The following PTPRM variants were observed in gnomAD, a reference collection of about 807,000 sequenced individuals.
PTPRM encodes protein tyrosine phosphatase receptor type M, also known as receptor-type tyrosine-protein phosphatase mu.
PTPRM carries 47 observed loss-of-function variants against 186.7 expected under a neutral mutation model. The observed-to-expected ratio is 0.25, with a 90% CI of 0.20 to 0.32. The LOEUF (loss-of-function observed/expected upper bound fraction) is 0.32. Ranked by LOEUF, PTPRM falls within the 10% of genes least tolerant of loss-of-function variation. The pLI is 1.00. For synonymous variants in PTPRM, 668 were observed against 674.9 expected, an observed-to-expected ratio of 0.99 and a Z score of 0.16; for missense variants, 1,494 against 1,865.0, an observed-to-expected ratio of 0.80 and a Z score of 3.66.
chr18:7,795,596 T>C (rs2043588598), intron 2 of PTPRM, among the ~76,000 whole-genome samples: 1 of 152,190 alleles, frequency 6.6e-6, no homozygotes, highest in African/African-American at 2.4e-5. Context: ...TTGAGGTAGA[T>C]GCATTGCAGG....
At chr18:8,377,143 T>C (rs2095701564) in intron 26 of PTPRM, 2 of 152,610 alleles carry the variant, frequency 1.3e-5, no homozygotes, top group Non-Finnish European at 2.9e-5. Context: ...ATTTCCATTT[T>C]TTCAGAAGCA....
chr18:8,263,888 AC>A (rs1388985288), intron 19 of PTPRM, among the ~76,000 whole-genome samples: 6 of 152,194 alleles, frequency 3.9e-5, no homozygotes, highest in Non-Finnish European at 8.8e-5. Flanking sequence ...TTTATAATAA[AC>A]CAGTAAATGT....
intron 7 of PTPRM, among the ~76,000 whole-genome samples, chr18:7,976,660 T>C (rs764305257): frequency 2.6e-4 from 39 of 152,030 alleles, no homozygotes; most frequent in Non-Finnish European, 3.8e-4. Flanking sequence ...GAATGAGCCA[T>C]CCCTGAGCCA....
chr18:8,275,120 A>G (rs1449271360), intron 19 of PTPRM, among the ~76,000 whole-genome samples: 1 of 152,168 alleles, frequency 6.6e-6, no homozygotes, highest in Non-Finnish European at 1.5e-5. Context: ...CATTTGATTT[A>G]TAAGGAGGCT....
chr18:7,867,492 A>C (rs1300717605), intron 2 of PTPRM, among the ~76,000 whole-genome samples: 2 of 152,168 alleles, frequency 1.3e-5, no homozygotes, highest in African/African-American at 4.8e-5. Context: ...TCTGGGTTGA[A>C]AATTCTTTTC....
chr18:8,248,039 A>G (rs1171658543), intron 16 of PTPRM, 111 bp from the exon 17 acceptor site: 82 of 1,351,082 alleles, frequency 6.1e-5, no homozygotes, highest in Non-Finnish European at 3.1e-5. Context: ...TTGTAACCCA[A>G]TGCGTTTCTA....
At chr18:8,199,415 C>G (rs887825059) in intron 14 of PTPRM, among the ~76,000 whole-genome samples, 1 of 152,112 alleles carries the variant, frequency 6.6e-6, no homozygotes, top group Non-Finnish European at 1.5e-5. Flanking sequence ...CGTTTACACC[C>G]TGAATAACAT....
intron 1 of PTPRM, among the ~76,000 whole-genome samples, chr18:7,585,142 A>G (rs4798574): frequency 0.073 from 11,044 of 152,296 alleles, 928 homozygotes; most frequent in East Asian, 0.3. Context: ...CTAGGTAACT[A>G]GGAGGTTTGC....
chr18:7,972,763 A>T (rs2054648760), intron 7 of PTPRM, among the ~76,000 whole-genome samples: 1 of 152,234 alleles, frequency 6.6e-6, no homozygotes, highest in South Asian at 2.1e-4. Context: ...GAAGGCAAAA[A>T]ATATAGAAGT....
intron 1 of PTPRM, among the ~76,000 whole-genome samples, chr18:7,609,280 T>C (rs1423595786): frequency 6.6e-6 from 1 of 152,158 alleles, no homozygotes; most frequent in Non-Finnish European, 1.5e-5. Context: ...CTGTAAATGA[T>C]GGGAGATTCT....
intron 1 of PTPRM, among the ~76,000 whole-genome samples, chr18:7,700,150 A>G (rs1186764597): frequency 2.0e-5 from 3 of 152,242 alleles, no homozygotes; most frequent in Middle Eastern, 3.2e-3. Context: ...CCATGCCAAC[A>G]TGAAAATAAT....
chr18:7,953,838 AG>A (rs1289294496), intron 6 of PTPRM, among the ~76,000 whole-genome samples: 1 of 152,206 alleles, frequency 6.6e-6, no homozygotes, highest in East Asian at 1.9e-4. Context: ...AGGATGCAAG[AG>A]GGTAGCAGAA....
chr18:7,657,949 G>A (rs927809410), intron 1 of PTPRM, among the ~76,000 whole-genome samples: 8 of 152,056 alleles, frequency 5.3e-5, no homozygotes, highest in African/African-American at 1.9e-4. Context: ...TATATTTAAG[G>A]TGTACATCAT....
At chr18:8,285,768 G>T (rs2094950250) in intron 19 of PTPRM, among the ~76,000 whole-genome samples, 3 of 152,316 alleles carry the variant, frequency 2.0e-5, no homozygotes, top group South Asian at 4.1e-4. Context: ...GAGGTGGGCA[G>T]CTCCCTTGAG....
At chr18:8,281,643 C>T (rs1460922844) in intron 19 of PTPRM, among the ~76,000 whole-genome samples, 1 of 152,050 alleles carries the variant, frequency 6.6e-6, no homozygotes, top group Non-Finnish European at 1.5e-5. Flanking sequence ...TTTCAATAAC[C>T]CTAAGAAATG....
intron 14 of PTPRM, among the ~76,000 whole-genome samples, chr18:8,144,218 A>G (rs1481962269): frequency 6.6e-6 from 1 of 152,202 alleles, no homozygotes; most frequent in African/African-American, 2.4e-5. Context: ...GCACCGTGCT[A>G]GGGAAGGTCA....
intron 32 of PTPRM, among the ~76,000 whole-genome samples, chr18:8,396,372 A>C (rs949369657): frequency 2.0e-5 from 3 of 152,226 alleles, no homozygotes; most frequent in African/African-American, 7.2e-5. Context: ...CTTGATCAAA[A>C]AAAATGTCAC....
rs774881969 is a variant in PTPRM at position 7,906,486 on chromosome 18, A to T, written c.469-19A>T. On this transcript the variant is annotated intron_variant, in intron 3 of 32. Coordinates refer to ENST00000580170, the MANE Select transcript of PTPRM (RefSeq NM_001105244.2). ...AAGACAAAATGAATAAATAATGTAA[A>T]TCTTTCTTAATTTTCCAGGTGATTT... 1.5e-5 allele frequency: 24 copies of T among 1,573,668 alleles called. No homozygotes were observed. In the Admixed American group the frequency reaches 4.0e-4, roughly 26 times the overall value.
chr18:7,768,912 C>G (rs1644019888), intron 1 of PTPRM, among the ~76,000 whole-genome samples: 1 of 152,036 alleles, frequency 6.6e-6, no homozygotes, highest in Admixed American at 6.6e-5. Flanking sequence ...TCCCAGAGTG[C>G]TGGGATTACA....
Sources: gnomAD v4.1 joint callset for allele counts (sites outside exome capture counted in the v4.1 genomes callset) on GRCh38, gnomAD v4.1.1 for gene constraint, MANE v1.5 for transcripts, NCBI Gene and HGNC (gene_info 2026-07-23, HGNC 2026-07-21) for gene names.